Variants in USH2A observed in about 807,000 individuals in gnomAD.
USH2A encodes the protein Usher syndrome 2A (autosomal recessive, mild).
A neutral mutation model predicts 538.9 loss-of-function variants in USH2A; 443 were observed. That is an observed-to-expected ratio of 0.82 (90% CI 0.76 to 0.89). The LOEUF (loss-of-function observed/expected upper bound fraction) is 0.89, where lower values mean the gene tolerates loss of function less well. USH2A is among the 40% of genes least tolerant of loss of function. USH2A has a pLI of 0.00. For missense variants in USH2A, 6,633 were observed against 6,324.8 expected (o/e 1.05, Z -1.65); for synonymous variants, 2,413 against 2,273.5 (o/e 1.06, Z -1.75).
At chr1:216,093,255 G>A (rs961113010) in intron 22 of USH2A, among the ~76,000 whole-genome samples, 5 of 152,146 alleles carry the variant, frequency 3.3e-5, no homozygotes, top group South Asian at 2.1e-4. Flanking sequence ...GAGCCACCAC[G>A]CCCAGTGGCT....
chr1:215,965,959 ACACG>A lies in USH2A; in HGVS notation c.6958-484_6958-481del, dbSNP rs1667334074. Reference sequence around the variant, plus strand: ...CACACACACACACACACACACACACACACGCATGCATACATGTGTGTACAGGCAT... The same window carrying A: ...CACACACACACACACACACACACACACATGCATACATGTGTGTACAGGCAT... On this transcript the variant is annotated intron_variant, in intron 36 of 71. Transcript: ENST00000307340. Among the ~76,000 whole-genome samples, 5 of 151,052 alleles carry A rather than the reference ACACG, an allele frequency of 3.3e-5. No homozygotes were observed. The South Asian group carries it at 1.0e-3, about 32-fold the overall frequency.
intron 11 of USH2A, among the ~76,000 whole-genome samples, chr1:216,279,402 T>C (rs1318298894): frequency 6.6e-6 from 1 of 151,934 alleles, no homozygotes; most frequent in African/African-American, 2.4e-5. Context: ...TGACCAAGAG[T>C]ATACATGTGC....
intron 37 of USH2A, among the ~76,000 whole-genome samples, chr1:215,943,926 C>T (rs866234785): frequency 6.6e-6 from 1 of 152,122 alleles, no homozygotes; most frequent in Non-Finnish European, 1.5e-5. Context: ...ATTGAGACAG[C>T]TCTAAAATAA....
Position 216,353,364 on chromosome 1 carries a change from G to A in USH2A, c.784+11589C>T, listed in dbSNP as rs1031824806. 5.3e-5 allele frequency among the ~76,000 whole-genome samples: 8 copies of A among 151,924 alleles called. 1 individual carries two copies. Among genetic ancestry groups the A allele is most frequent in the South Asian group, 4.2e-4 (2 of 4,776 alleles). On this transcript the variant is annotated intron_variant, in intron 4 of 71. Coordinates refer to ENST00000307340, the MANE Select transcript of USH2A (RefSeq NM_206933.4). ...GCCGCTGGGGGCACCGAGATTAAACGATGCCACATGATCATTAGTGAAACA... is the reference window on the plus strand; with the variant it reads ...GCCGCTGGGGGCACCGAGATTAAACAATGCCACATGATCATTAGTGAAACA...
intron 21 of USH2A, among the ~76,000 whole-genome samples, chr1:216,162,073 G>A (rs1308486412): frequency 2.0e-5 from 3 of 151,952 alleles, no homozygotes; most frequent in Admixed American, 6.6e-5. Flanking sequence ...GTTAAACTAT[G>A]TGTGAACTTA....
chr1:215,933,629 T>C (rs1220473617), intron 38 of USH2A, among the ~76,000 whole-genome samples: 1 of 151,974 alleles, frequency 6.6e-6, no homozygotes, highest in Non-Finnish European at 1.5e-5. Flanking sequence ...AGATTCCCTT[T>C]TATTTTTCTC....
chr1:216,035,473 G>C (rs2029886655), intron 32 of USH2A, among the ~76,000 whole-genome samples: 1 of 152,134 alleles, frequency 6.6e-6, no homozygotes, highest in Admixed American at 6.6e-5. Flanking sequence ...GAAGAAACCA[G>C]TCTTGCCAAT....
intron 2 of USH2A, among the ~76,000 whole-genome samples, chr1:216,419,490 C>T (rs945655338): frequency 2.0e-5 from 3 of 152,078 alleles, no homozygotes; most frequent in Non-Finnish European, 4.4e-5. Flanking sequence ...CTGGTTACCT[C>T]CTACTTAGCT....
intron 11 of USH2A, among the ~76,000 whole-genome samples, chr1:216,269,414 G>A (rs1413123271): frequency 6.6e-6 from 1 of 152,040 alleles, no homozygotes; most frequent in African/African-American, 2.4e-5. Context: ...GGAACTGTAA[G>A]TCCTGTATAA....
chr1:215,899,233 C>T (rs1322263112), intron 40 of USH2A, among the ~76,000 whole-genome samples: 2 of 152,158 alleles, frequency 1.3e-5, no homozygotes, highest in Admixed American at 6.5e-5. Flanking sequence ...ACTTAACGTT[C>T]TCATTGGATA....
intron 44 of USH2A, among the ~76,000 whole-genome samples, chr1:215,851,159 C>T (rs1228580805): frequency 6.6e-6 from 1 of 151,968 alleles, no homozygotes; most frequent in Admixed American, 6.6e-5. Flanking sequence ...ACAAACTAAA[C>T]CCAAACCCAG....
intron 18 of USH2A, among the ~76,000 whole-genome samples, chr1:216,197,945 C>T (rs2034888632): frequency 6.6e-6 from 1 of 152,064 alleles, no homozygotes; most frequent in Non-Finnish European, 1.5e-5. Flanking sequence ...TGACAGTTAT[C>T]TCTTTCATTG....
chr1:215,831,791 G>A (rs1309950426), intron 47 of USH2A, among the ~76,000 whole-genome samples: 2 of 151,584 alleles, frequency 1.3e-5, no homozygotes, highest in Non-Finnish European at 1.5e-5. Flanking sequence ...AAGGCAAGAG[G>A]GAAGAAAACA....
intron 4 of USH2A, among the ~76,000 whole-genome samples, chr1:216,343,453 T>G (rs1237614912): frequency 6.7e-6 from 1 of 150,156 alleles, no homozygotes; most frequent in Admixed American, 6.7e-5. Flanking sequence ...GACAGGAGGA[T>G]TACTTGAGAC....
intron 11 of USH2A, among the ~76,000 whole-genome samples, chr1:216,286,279 C>T (rs2036882570): frequency 6.6e-6 from 1 of 152,130 alleles, no homozygotes; most frequent in African/African-American, 2.4e-5. Flanking sequence ...TGAATTAGTT[C>T]TCATGAAATC....
intron 58 of USH2A, among the ~76,000 whole-genome samples, chr1:215,753,707 T>C (rs1269075176): frequency 6.6e-6 from 1 of 152,136 alleles, no homozygotes; most frequent in Non-Finnish European, 1.5e-5. Context: ...ATATACCTAA[T>C]GTTAAATGAC....
chr1:216,050,612 T>C (rs35776365), intron 30 of USH2A, among the ~76,000 whole-genome samples: 326 of 24,920 alleles, frequency 0.013, 22 homozygotes, highest in East Asian at 0.025. Context: ...TTCTTTTTTT[T>C]TTTTTTTTTT....
At chr1:216,318,862 G>T (rs12030105) in intron 9 of USH2A, among the ~76,000 whole-genome samples, 1,729 of 152,216 alleles carry the variant, frequency 0.011, 25 homozygotes, top group East Asian at 0.036. Context: ...AACCAATCAT[G>T]AGCCTTCATT....
chr1:215,641,080 G>A (rs1203312437), intron 67 of USH2A, among the ~76,000 whole-genome samples: 1 of 152,046 alleles, frequency 6.6e-6, no homozygotes, highest in Admixed American at 6.6e-5. Flanking sequence ...CTCATATTTT[G>A]TTGCATTTTC....
Sources: allele counts gnomAD v4.1 joint callset (sites outside exome capture counted in the v4.1 genomes callset), GRCh38; gene constraint gnomAD v4.1.1; transcripts MANE v1.5; gene names NCBI Gene and HGNC (gene_info 2026-07-23, HGNC 2026-07-21).